The following ATXN7L1 variants were observed in gnomAD, a reference collection of about 807,000 sequenced individuals.
The protein encoded by ATXN7L1 is ataxin-7-like protein 1.
ATXN7L1 carries 15 observed loss-of-function variants against 70.8 expected under a neutral mutation model. The observed-to-expected ratio is 0.21, with a 90% CI of 0.14 to 0.33. The LOEUF (loss-of-function observed/expected upper bound fraction) is 0.33, where lower values mean the gene tolerates loss of function less well. Among genes scored for constraint, ATXN7L1 ranks in the 10% least tolerant of loss-of-function variants. The pLI is 1.00. For missense variants in ATXN7L1, 975 were observed against 1,097.1 expected (o/e 0.89, Z 1.57); for synonymous variants, 440 against 445.1 (o/e 0.99, Z 0.14).
intron 3 of ATXN7L1, among the ~76,000 whole-genome samples, chr7:105,754,378 C>A (rs1279436798): frequency 1.3e-5 from 2 of 151,388 alleles, no homozygotes; most frequent in Non-Finnish European, 1.5e-5. Flanking sequence ...TTTATTTGTT[C>A]TTTTCTTTTC....
intron 2 of ATXN7L1, among the ~76,000 whole-genome samples, chr7:105,806,400 T>C (rs1372786350): frequency 6.6e-6 from 1 of 151,986 alleles, no homozygotes; most frequent in Non-Finnish European, 1.5e-5. Context: ...CCTCCAAAAT[T>C]GTGAGAAATA....
intron 3 of ATXN7L1, among the ~76,000 whole-genome samples, chr7:105,745,824 C>G (rs1420875531): frequency 1.3e-5 from 2 of 152,230 alleles, no homozygotes; most frequent in African/African-American, 2.4e-5. Flanking sequence ...GTTCCCAGGG[C>G]TCTAGGTAAC....
chr7:105,609,265 G>GAGAA (rs1298196572), intron 11 of ATXN7L1, among the ~76,000 whole-genome samples: 5 of 151,208 alleles, frequency 3.3e-5, no homozygotes, highest in Admixed American at 2.0e-4. Context: ...CATCTCCCGG[G>GAGAA]TTCAAGTGAT....
intron 3 of ATXN7L1, among the ~76,000 whole-genome samples, chr7:105,768,601 G>A (rs1466106151): frequency 6.6e-6 from 1 of 152,214 alleles, no homozygotes; most frequent in East Asian, 1.9e-4. Flanking sequence ...GGAGTTTTTG[G>A]TCTGCACAGT....
At chr7:105,805,830 A>T (rs1009386288) in intron 2 of ATXN7L1, among the ~76,000 whole-genome samples, 2 of 152,168 alleles carry the variant, frequency 1.3e-5, no homozygotes, top group Non-Finnish European at 2.9e-5. Flanking sequence ...AGGTGGGTGA[A>T]TATAGCAGGG....
chr7:105,611,681 G>A (rs1793166843), intron 10 of ATXN7L1, among the ~76,000 whole-genome samples: 1 of 152,194 alleles, frequency 6.6e-6, no homozygotes, highest in Non-Finnish European at 1.5e-5. Flanking sequence ...TACATTCACA[G>A]TCTTGATTTT....
intron 3 of ATXN7L1, among the ~76,000 whole-genome samples, chr7:105,699,217 C>G (rs618126): frequency 0.2 from 31,056 of 151,984 alleles, 3,423 homozygotes; most frequent in East Asian, 0.32. Flanking sequence ...ACTGCTATCT[C>G]TGCCTCCCAG....
intron 3 of ATXN7L1, among the ~76,000 whole-genome samples, chr7:105,684,387 G>GTTCT (rs1289912160): frequency 6.6e-6 from 1 of 152,146 alleles, no homozygotes; most frequent in Non-Finnish European, 1.5e-5. Context: ...GGCTCCTCTT[G>GTTCT]TTCTTCACAG....
chr7:105,649,372 C>T (rs1347306003), intron 4 of ATXN7L1: 1 of 987,300 alleles, frequency 1.0e-6, no homozygotes, highest in African/African-American at 1.7e-5. Flanking sequence ...GAACACCCTC[C>T]CTCATCCCCC....
At chr7:105,617,074 T>C (rs1425265448) in intron 9 of ATXN7L1, among the ~76,000 whole-genome samples, 3 of 152,040 alleles carry the variant, frequency 2.0e-5, no homozygotes, top group Non-Finnish European at 4.4e-5. Context: ...TTCCCCAGGC[T>C]GGAGTGCAGT....
chr7:105,674,063 T>C (rs1276266338), intron 3 of ATXN7L1, among the ~76,000 whole-genome samples: 1 of 152,190 alleles, frequency 6.6e-6, no homozygotes, highest in East Asian at 1.9e-4. Flanking sequence ...CAGACTGCAG[T>C]ACCTCTTTAA....
At chr7:105,726,257 C>T (rs1406367307) in intron 3 of ATXN7L1, among the ~76,000 whole-genome samples, 1 of 152,204 alleles carries the variant, frequency 6.6e-6, no homozygotes, top group Non-Finnish European at 1.5e-5. Context: ...TTTCACACAT[C>T]CATCCAAACT....
At chr7:105,846,123 GA>G (rs1813994788) in intron 2 of ATXN7L1, among the ~76,000 whole-genome samples, 1 of 151,906 alleles carries the variant, frequency 6.6e-6, no homozygotes. Context: ...CCACAGAAGG[GA>G]AAAATATTTG....
At chr7:105,662,900 T>C (rs1469868266) in intron 4 of ATXN7L1, among the ~76,000 whole-genome samples, 1 of 152,212 alleles carries the variant, frequency 6.6e-6, no homozygotes, top group Non-Finnish European at 1.5e-5. Context: ...ATGATCCAGA[T>C]ACTGTGCCTG....
At chr7:105,829,774 A>C (rs1811347926) in intron 2 of ATXN7L1, among the ~76,000 whole-genome samples, 1 of 152,242 alleles carries the variant, frequency 6.6e-6, no homozygotes, top group Non-Finnish European at 1.5e-5. Flanking sequence ...CCAAAGACAG[A>C]GTATTGTTTA....
At chr7:105,743,394 A>G (rs182592840) in intron 3 of ATXN7L1, among the ~76,000 whole-genome samples, 1 of 152,252 alleles carries the variant, frequency 6.6e-6, no homozygotes, top group Admixed American at 6.5e-5. Context: ...CCTGAGTAAG[A>G]GTCCCAGGGA....
chr7:105,641,214 C>CTTT (rs561100060), intron 5 of ATXN7L1, among the ~76,000 whole-genome samples: 11 of 21,792 alleles, frequency 5.0e-4, no homozygotes, highest in Admixed American at 1.5e-3. Context: ...CTCTCTCTCT[C>CTTT]TTTTTTTTTT....
intron 3 of ATXN7L1, among the ~76,000 whole-genome samples, chr7:105,688,264 G>A (rs940351551): frequency 6.6e-6 from 1 of 152,184 alleles, no homozygotes; most frequent in Non-Finnish European, 1.5e-5. Flanking sequence ...AACTGGGGAC[G>A]GACACGGTGG....
chr7:105,617,914 C>G (rs1400030202), intron 9 of ATXN7L1: 3 of 456,472 alleles, frequency 6.6e-6, no homozygotes, highest in Admixed American at 2.4e-5. Flanking sequence ...CGGCTGCCAT[C>G]CCTCCAGGTT....
Sources: gnomAD v4.1 joint callset for allele counts (sites outside exome capture counted in the v4.1 genomes callset) on GRCh38, gnomAD v4.1.1 for gene constraint, MANE v1.5 for transcripts, NCBI Gene and HGNC (gene_info 2026-07-23, HGNC 2026-07-21) for gene names.